The following LRP1B variants were observed in gnomAD, a reference collection of about 807,000 sequenced individuals.
LRP1B encodes the protein low-density lipoprotein receptor-related protein 1B.
Under a neutral mutation model 556.6 loss-of-function variants are expected in LRP1B, and 217 were observed. The observed-to-expected ratio is 0.39, with a 90% CI of 0.35 to 0.44. The LOEUF (loss-of-function observed/expected upper bound fraction) is 0.44. LRP1B is among the 20% of genes least tolerant of loss of function. The pLI is 1.00. For synonymous variants in LRP1B, 2,047 were observed against 1,865.8 expected (o/e 1.10, Z -2.50); for missense variants, 5,053 against 5,620.8 (o/e 0.90, Z 3.23).
At chr2:141,131,834 G>T (rs1195870240) in intron 7 of LRP1B, among the ~76,000 whole-genome samples, 1 of 150,552 alleles carries the variant, frequency 6.6e-6, no homozygotes, top group African/African-American at 2.5e-5. Flanking sequence ...TCCCCAAACA[G>T]CATTTTTTTT....
chr2:140,815,447 T>C (rs1691082749), intron 31 of LRP1B, among the ~76,000 whole-genome samples: 1 of 152,134 alleles, frequency 6.6e-6, no homozygotes, highest in South Asian at 2.1e-4. Context: ...GCTGGAATTA[T>C]AGGTGTGAGC....
chr2:141,704,291 T>C (rs1264775254), intron 2 of LRP1B, among the ~76,000 whole-genome samples: 1 of 151,960 alleles, frequency 6.6e-6, no homozygotes, highest in African/African-American at 2.4e-5. Context: ...TTCAAAATGG[T>C]ATCAGTTAAA....
intron 41 of LRP1B, among the ~76,000 whole-genome samples, chr2:140,602,969 C>A (rs35949274): frequency 6.6e-6 from 1 of 151,674 alleles, no homozygotes. Flanking sequence ...AAATTTTTAC[C>A]GCCTGGCTCC....
chr2:140,940,318 T>C (rs759006803), intron 20 of LRP1B, among the ~76,000 whole-genome samples: 1 of 152,124 alleles, frequency 6.6e-6, no homozygotes, highest in Admixed American at 6.6e-5. Context: ...ATAGTTGAGA[T>C]TTCCCTAAAA....
In LRP1B at chr2:140,779,755, A is replaced by AGTGT. The variant is rs70988440; in HGVS notation, c.5360-3521_5360-3518dup. On this transcript the variant is annotated intron_variant, in intron 32 of 90. Transcript: ENST00000389484. ...TGGTGTGTCTGTCTCTCTGTGAGAG[A>AGTGT]GTGTGTGTGTGTGTGTGTGTGTGTG... Among the ~76,000 whole-genome samples the AGTGT allele has an allele frequency of 4.2e-3, 566 of 135,364 alleles. 6 individuals are homozygous for AGTGT. Among genetic ancestry groups the AGTGT allele is most frequent in the African/African-American group, 0.015 (529 of 36,410 alleles). 88.8% of individuals were successfully genotyped at this position (135,364 alleles called of 152,430 possible).
intron 28 of LRP1B, 32 bp from the exon 29 acceptor site, chr2:140,850,361 T>C: frequency 4.4e-6 from 6 of 1,371,778 alleles, no homozygotes; most frequent in Non-Finnish European, 6.1e-6. Context: ...TTTTCTCTTA[T>C]GAAGTTGGCA....
At position 141,397,425 on chromosome 2, in the gene LRP1B, C is replaced by A. The variant is rs1009368898; in HGVS notation, c.343+82971G>T. 3.3e-5 allele frequency among the ~76,000 whole-genome samples: 5 copies of A among 150,598 alleles called. No individual in the cohort carries two copies. The South Asian group carries it at 1.1e-3, about 32-fold the overall frequency. ...ACCCTTAATACCAAAAATTACAATG[C>A]ACAACTCATAGTATTTCTAGTAGGA... is the stretch of plus-strand genomic sequence containing the variant. On this transcript the variant is annotated intron_variant, in intron 3 of 90. Coordinates refer to ENST00000389484, the MANE Select transcript of LRP1B (RefSeq NM_018557.3).
intron 79 of LRP1B, among the ~76,000 whole-genome samples, chr2:140,332,864 T>C (rs1680882556): frequency 6.6e-6 from 1 of 152,114 alleles, no homozygotes; most frequent in African/African-American, 2.4e-5. Flanking sequence ...GCTGCCAGTG[T>C]CATTCTTTAA....
intron 3 of LRP1B, among the ~76,000 whole-genome samples, chr2:141,273,733 A>G (rs1047209003): frequency 6.6e-6 from 1 of 152,214 alleles, no homozygotes; most frequent in Admixed American, 6.5e-5. Flanking sequence ...CATGCATTGG[A>G]CTTAACAAAA....
rs941625906 is a variant in LRP1B at position 141,229,170 on chromosome 2, T to C, written c.850+13A>G. On this transcript the variant is annotated intron_variant, in intron 6 of 90. Transcript: ENST00000389484. The stretch of plus-strand genomic sequence containing the variant: ...GTAAAGGGTGGCATATAATATTTAA[T>C]TGAAACACTTACTGTGGAAGGATTG... 1.2e-6 allele frequency: 2 copies of C among 1,611,802 alleles called. No individual in the cohort carries two copies. The highest frequency in any genetic ancestry group is 1.3e-5 in the African/African-American group (1 of 74,838).
intron 1 of LRP1B, among the ~76,000 whole-genome samples, chr2:141,926,919 A>G (rs1700349147): frequency 6.6e-6 from 1 of 152,172 alleles, no homozygotes; most frequent in African/African-American, 2.4e-5. Flanking sequence ...GAATGTATGT[A>G]CATATGATAC....
At chr2:140,821,736 A>G (rs1350732904) in intron 31 of LRP1B, among the ~76,000 whole-genome samples, 1 of 152,226 alleles carries the variant, frequency 6.6e-6, no homozygotes, top group Non-Finnish European at 1.5e-5. Context: ...TTGGGATTAC[A>G]TTGAAAATAA....
chr2:140,370,940 T>C (rs1682967207), intron 70 of LRP1B, 98 bp from the exon 71 acceptor site: 2 of 1,262,726 alleles, frequency 1.6e-6, no homozygotes, highest in African/African-American at 1.5e-5. Context: ...AGCTTTATTA[T>C]ACCATGGGCT....
At chr2:141,250,119 A>G (rs1684207777) in intron 4 of LRP1B, among the ~76,000 whole-genome samples, 1 of 152,314 alleles carries the variant, frequency 6.6e-6, no homozygotes, top group East Asian at 1.9e-4. Flanking sequence ...TAATTAAAAT[A>G]TATCTTTGGC....
chr2:142,112,698 T>A (rs1334075440), intron 1 of LRP1B, among the ~76,000 whole-genome samples: 1 of 152,108 alleles, frequency 6.6e-6, no homozygotes, highest in Admixed American at 6.6e-5. Context: ...GTTTCTGGTG[T>A]TTAAGCCTCT....
At chr2:140,677,041 G>A (rs1046137815) in intron 41 of LRP1B, among the ~76,000 whole-genome samples, 10 of 152,158 alleles carry the variant, frequency 6.6e-5, no homozygotes, top group Non-Finnish European at 1.3e-4. Context: ...CCACTTCTTA[G>A]GGAAGAAAAG....
chr2:141,052,961 C>G, intron 10 of LRP1B, among the ~76,000 whole-genome samples: 1 of 151,910 alleles, frequency 6.6e-6, no homozygotes, highest in Non-Finnish European at 1.5e-5. Flanking sequence ...TAATGGATGT[C>G]TTAATTGGTA....
intron 3 of LRP1B, among the ~76,000 whole-genome samples, chr2:141,402,601 T>C (rs765772659): frequency 2.0e-5 from 3 of 152,108 alleles, no homozygotes; most frequent in Non-Finnish European, 2.9e-5. Context: ...AAGACCAAAG[T>C]TGTATCTTCA....
intron 21 of LRP1B, among the ~76,000 whole-genome samples, chr2:140,921,815 A>G (rs1157874910): frequency 6.6e-6 from 1 of 152,040 alleles, no homozygotes; most frequent in African/African-American, 2.4e-5. Flanking sequence ...ATTTAACTGT[A>G]ACCAAGAGGC....
Sources: allele counts gnomAD v4.1 joint callset (sites outside exome capture counted in the v4.1 genomes callset), GRCh38; gene constraint gnomAD v4.1.1; transcripts MANE v1.5; gene names NCBI Gene and HGNC (gene_info 2026-07-23, HGNC 2026-07-21).